TLN2: variants seen among roughly 807,000 people sequenced by gnomAD.
TLN2 encodes the protein talin-2.
Under a neutral mutation model 294.7 loss-of-function variants are expected in TLN2, and 118 were observed. The observed-to-expected ratio is 0.40, with a 90% CI of 0.34 to 0.47. TLN2 has a LOEUF of 0.47. Among genes scored for constraint, TLN2 ranks in the 20% least tolerant of loss-of-function variants. The pLI, the probability that TLN2 is intolerant of heterozygous loss-of-function variation, is 0.84. For synonymous variants in TLN2, 1,431 were observed against 1,304.5 expected (o/e 1.10, Z -2.09); for missense variants, 3,083 against 3,282.2 (o/e 0.94, Z 1.48).
At chr15:62,490,803 C>T (rs1265832264) in intron 1 of TLN2, among the ~76,000 whole-genome samples, 1 of 152,048 alleles carries the variant, frequency 6.6e-6, no homozygotes, top group Admixed American at 6.6e-5. Context: ...CTAGAAATGC[C>T]AGAAATAATT....
chr15:62,804,772 A>G (rs2066157833), intron 50 of TLN2, among the ~76,000 whole-genome samples: 1 of 152,150 alleles, frequency 6.6e-6, no homozygotes, highest in Non-Finnish European at 1.5e-5. Flanking sequence ...ATGGGATGCC[A>G]ACTGAGCCCA....
chr15:62,835,281 CTTT>C (rs746276030), intron 55 of TLN2: 5 of 183,408 alleles, frequency 2.7e-5, no homozygotes, highest in African/African-American at 2.4e-5. Flanking sequence ...TTCCACCACA[CTTT>C]TTTAACATCA....
At chr15:62,825,845 AAATATATTATATATATATATAT>A (rs2068119712) in intron 54 of TLN2, among the ~76,000 whole-genome samples, 2 of 76,990 alleles carry the variant, frequency 2.6e-5, no homozygotes, top group African/African-American at 1.5e-4. Context: ...TAATATATAT[AAATATATTATATATATATATAT>A]TTATATATAT....
intron 54 of TLN2, among the ~76,000 whole-genome samples, chr15:62,825,012 T>C (rs145716916): frequency 2.0e-5 from 3 of 152,324 alleles, no homozygotes; most frequent in East Asian, 3.9e-4. Context: ...GGTGAATGCA[T>C]AGTGACAGGG....
rs774430820 is a variant in TLN2 at position 62,722,430 on chromosome 15, C to G, written c.3069C>G (p.Ser1023Arg). 1 of 1,613,188 alleles carries G rather than the reference C, an allele frequency of 6.2e-7. No homozygotes were observed. The highest frequency in any genetic ancestry group is 8.5e-7 in the Non-Finnish European group (1 of 1,179,712). The change falls in exon 26 of 59, where the codon AGC becomes AGG. Residue 1023 changes from serine (S) to arginine (R), a missense_variant. By Grantham distance (110) the Ser-to-Arg change is moderately radical. Transcript: ENST00000636159. ...VSDQAAAMQL[S>R]QCAKNLATSL... ...ACCAGGCCGCAGCCATGCAGCTGAG[C>G]CAGTGTGCCAAGAACCTGGCCACCA...
intron 16 of TLN2, among the ~76,000 whole-genome samples, chr15:62,700,105 A>T (rs1187199368): frequency 6.6e-6 from 1 of 152,222 alleles, no homozygotes; most frequent in Non-Finnish European, 1.5e-5. Context: ...GTACCCAAAA[A>T]CAATAAACAT....
chr15:62,599,345 A>G (rs2046805188), intron 2 of TLN2, among the ~76,000 whole-genome samples: 1 of 152,170 alleles, frequency 6.6e-6, no homozygotes, highest in Admixed American at 6.5e-5. Flanking sequence ...AGGTTACCCT[A>G]CCATTAACTT....
chr15:62,503,865 T>C (rs2039439573), intron 1 of TLN2, among the ~76,000 whole-genome samples: 1 of 152,202 alleles, frequency 6.6e-6, no homozygotes, highest in Non-Finnish European at 1.5e-5. Context: ...CAGTTGTTTT[T>C]CTCTCTCCTG....
intron 9 of TLN2, among the ~76,000 whole-genome samples, chr15:62,671,853 ATTC>A (rs1198255536): frequency 1.3e-5 from 2 of 152,030 alleles, no homozygotes; most frequent in African/African-American, 4.8e-5. Context: ...ATGCTCCCCT[ATTC>A]TTCTTTTTGT....
rs760232975 is a variant in TLN2 at position 62,805,662 on chromosome 15, G to C, written c.6540G>C (p.Thr2180=). The C allele has an allele frequency of 9.9e-6, 16 of 1,614,012 alleles. No individual in the cohort carries two copies. Among genetic ancestry groups the C allele is most frequent in the Non-Finnish European group, 1.4e-5 (16 of 1,179,958 alleles). Residue 2180 remains threonine (T), a synonymous_variant, in exon 51 of 59, where the codon ACG becomes ACC. Coordinates refer to ENST00000636159, the MANE Select transcript of TLN2 (RefSeq NM_015059.3). ...TSSPEESIRM[T]KGITMATAKA... is the part of the protein sequence containing the mutation. ...CACCTGAAGAATCCATAAGGATGAC[G>C]AAAGGCATCACCATGGCAACAGCCA...
intron 1 of TLN2, among the ~76,000 whole-genome samples, chr15:62,473,750 C>T (rs1373851824): frequency 6.6e-6 from 1 of 152,180 alleles, no homozygotes; most frequent in Non-Finnish European, 1.5e-5. Context: ...CCTGCTCTTC[C>T]TGTGCATCCC....
chr15:62,657,219 A>G (rs555634638), intron 8 of TLN2, among the ~76,000 whole-genome samples: 215 of 152,144 alleles, frequency 1.4e-3, no homozygotes, highest in Non-Finnish European at 2.2e-3. Flanking sequence ...AGACACAACA[A>G]GCTCCCCATT....
At chr15:62,524,613 G>A (rs559090846) in intron 1 of TLN2, among the ~76,000 whole-genome samples, 1 of 152,242 alleles carries the variant, frequency 6.6e-6, no homozygotes, top group South Asian at 2.1e-4. Flanking sequence ...AAACCACCAT[G>A]AACTTTAAAC....
At chr15:62,452,103 T>A (rs1387723343) in intron 1 of TLN2, among the ~76,000 whole-genome samples, 1 of 151,808 alleles carries the variant, frequency 6.6e-6, no homozygotes, top group East Asian at 2.0e-4. Flanking sequence ...GATCATTTCT[T>A]AGAGCTGAGC....
chr15:62,788,114 C>A (rs2064824352), intron 45 of TLN2, among the ~76,000 whole-genome samples: 1 of 151,498 alleles, frequency 6.6e-6, no homozygotes, highest in South Asian at 2.1e-4. Flanking sequence ...AGTTCGAGAC[C>A]AGCCTGGGCA....
At chr15:62,527,827 A>C (rs2040823071) in intron 1 of TLN2, among the ~76,000 whole-genome samples, 1 of 152,252 alleles carries the variant, frequency 6.6e-6, no homozygotes, top group Non-Finnish European at 1.5e-5. Context: ...TACTGAAAGT[A>C]CTATAAAAGT....
At chr15:62,571,870 C>G (rs1185091372) in intron 1 of TLN2, among the ~76,000 whole-genome samples, 1 of 152,190 alleles carries the variant, frequency 6.6e-6, no homozygotes, top group African/African-American at 2.4e-5. Context: ...AAACATTCCT[C>G]AATATTAAAC....
intron 33 of TLN2, among the ~76,000 whole-genome samples, chr15:62,749,061 A>G (rs1249836679): frequency 1.3e-5 from 2 of 152,378 alleles, no homozygotes; most frequent in Non-Finnish European, 2.9e-5. Context: ...ACATAAAATC[A>G]GTGTACCTAC....
chr15:62,507,363 C>T (rs947518825), intron 1 of TLN2, among the ~76,000 whole-genome samples: 4 of 152,168 alleles, frequency 2.6e-5, no homozygotes, highest in African/African-American at 9.7e-5. Context: ...TTGAGACCCC[C>T]GTGTGATGCT....
Sources: gnomAD v4.1 joint callset for allele counts (sites outside exome capture counted in the v4.1 genomes callset) on GRCh38, gnomAD v4.1.1 for gene constraint, MANE v1.5 for transcripts, NCBI Gene and HGNC (gene_info 2026-07-23, HGNC 2026-07-21) for gene names.